Variants in SWT1 observed in about 807,000 individuals in gnomAD.
SWT1 encodes the protein SWT1 RNA endoribonuclease homolog.
A neutral mutation model predicts 107.3 loss-of-function variants in SWT1; 33 were observed. That is an observed-to-expected ratio of 0.31 (90% CI 0.23 to 0.41). SWT1 has a LOEUF of 0.41. SWT1 is among the 10% of genes least tolerant of loss of function. The pLI is 1.00. For missense variants in SWT1, 898 were observed against 1,028.9 expected (o/e 0.87, Z 1.74); for synonymous variants, 345 against 348.3 (o/e 0.99, Z 0.11).
At chr1:185,268,906 G>A (rs905110610) in intron 16 of SWT1, among the ~76,000 whole-genome samples, 4 of 141,690 alleles carry the variant, frequency 2.8e-5, no homozygotes, top group African/African-American at 1.1e-4. Flanking sequence ...AGGCTTGAGT[G>A]CAGTGGCGCG....
chr1:185,257,753 G>A (rs552219588), intron 16 of SWT1, among the ~76,000 whole-genome samples: 7 of 152,344 alleles, frequency 4.6e-5, no homozygotes, highest in South Asian at 2.1e-4. Context: ...CGTCGCTCAC[G>A]CTGGTAGCTG....
Position 185,214,499 on chromosome 1 carries a change from G to C in SWT1, c.1973-8G>C, listed in dbSNP as rs1316323396. ...CCATATTTTTCTGTCTTAATTTTCT[G>C]TTACCAGCTAATAAGGCAGTGGATT... On this transcript the variant is annotated splice_region_variant and splice_polypyrimidine_tract_variant and intron_variant, in intron 13 of 18. Coordinates refer to ENST00000367500, the MANE Select transcript of SWT1 (RefSeq NM_017673.7). 1.9e-6 allele frequency: 3 copies of C among 1,596,486 alleles called. No individual in the cohort carries two copies. Among genetic ancestry groups the C allele is most frequent in the African/African-American group, 2.7e-5 (2 of 74,010 alleles).
chr1:185,261,673 C>CTT (rs75087078), intron 16 of SWT1, among the ~76,000 whole-genome samples: 1 of 144,800 alleles, frequency 6.9e-6, no homozygotes. Flanking sequence ...TGATTTTCTG[C>CTT]TTTTTTTTTT....
chr1:185,203,584 G>A (rs958128414), intron 11 of SWT1, among the ~76,000 whole-genome samples: 10 of 149,708 alleles, frequency 6.7e-5, no homozygotes, highest in South Asian at 2.1e-4. Context: ...TTGTGCCATC[G>A]TACTCCAGCC....
intron 1 of SWT1, among the ~76,000 whole-genome samples, chr1:185,157,800 C>G (rs1226094959): frequency 2.6e-5 from 4 of 152,154 alleles, no homozygotes; most frequent in Non-Finnish European, 5.9e-5. Context: ...TTTTAATAAC[C>G]AGAGCTCTGA....
chr1:185,189,451 A>G (rs1656759240), intron 9 of SWT1, among the ~76,000 whole-genome samples: 1 of 152,190 alleles, frequency 6.6e-6, no homozygotes. Flanking sequence ...GCATTGCTTT[A>G]GAGATTAAGG....
chr1:185,250,722 G>A (rs1661948382), intron 16 of SWT1, among the ~76,000 whole-genome samples: 1 of 151,998 alleles, frequency 6.6e-6, no homozygotes. Flanking sequence ...GAGTGCAGTG[G>A]TGCAATCTTG....
At chr1:185,190,826 A>G (rs548862287) in intron 10 of SWT1, among the ~76,000 whole-genome samples, 184 bp downstream of exon 10, 1 of 152,202 alleles carries the variant, frequency 6.6e-6, no homozygotes, top group Non-Finnish European at 1.5e-5. Context: ...TGAGATCTCA[A>G]CTAGATGAAG....
chr1:185,202,756 T>A lies in SWT1; in HGVS notation c.1626T>A (p.Asp542Glu), dbSNP rs1247867229. 4.4e-6 allele frequency: 7 copies of A among 1,592,362 alleles called. No homozygotes were observed. The Admixed American group carries it at 8.6e-5, about 20-fold the overall frequency. ...AELLHLSLNTDVCHQPCIPKQ... is the reference protein window; with the variant it reads ...AELLHLSLNTEVCHQPCIPKQ... ...TATTACACTTATCTCTGAACACAGA[T>A]GTGTGTCATCAGCCTTGTATTCCTA... is the stretch of plus-strand genomic sequence containing the variant. The change falls in exon 11 of 19, where the codon GAT (aspartate) becomes GAA (glutamate). Residue 542 changes from aspartate (D) to glutamate (E), a missense_variant. Asp to Glu is a conservative substitution (Grantham distance 45). This residue lies in a region of SWT1 where 382 missense variants were observed against 460.0 expected (regional missense o/e 0.83). Transcript: ENST00000367500.
At chr1:185,266,050 T>C (rs907263386) in intron 16 of SWT1, among the ~76,000 whole-genome samples, 1 of 152,178 alleles carries the variant, frequency 6.6e-6, no homozygotes, top group Admixed American at 6.5e-5. Flanking sequence ...GTGTTTTGAA[T>C]TTCTAGAATT....
chr1:185,194,566 T>G (rs532210032), intron 10 of SWT1, among the ~76,000 whole-genome samples: 11 of 151,894 alleles, frequency 7.2e-5, no homozygotes, highest in African/African-American at 2.7e-4. Flanking sequence ...AGCTCTTGGA[T>G]ACTTTAAAAA....
intron 16 of SWT1, among the ~76,000 whole-genome samples, chr1:185,270,203 C>T (rs563539594): frequency 6.6e-6 from 1 of 150,616 alleles, no homozygotes; most frequent in East Asian, 1.9e-4. Context: ...CAAGGTCACA[C>T]AGCTAGACAA....
chr1:185,251,386 C>G (rs1241432615), intron 16 of SWT1: 2 of 152,712 alleles, frequency 1.3e-5, no homozygotes, highest in Non-Finnish European at 2.9e-5. Context: ...TCCTTCTCCA[C>G]TCCCACTGCT....
chr1:185,175,752 C>CAG lies in SWT1; in HGVS notation c.966+639_966+640insAG, dbSNP rs147558792. The stretch of plus-strand genomic sequence containing the variant: ...AAAGCATTGTATGCTGGAGAACACT[C>CAG]GGGACAATATTCTGAATAGTCTTTA... On this transcript the variant is annotated intron_variant, in intron 5 of 18. Coordinates refer to ENST00000367500, the MANE Select transcript of SWT1 (RefSeq NM_017673.7). Among the ~76,000 whole-genome samples, 890 of 152,214 alleles carry CAG rather than the reference C, an allele frequency of 5.8e-3. 33 individuals carry two copies. The East Asian group carries it at 0.094, about 16-fold the overall frequency.
chr1:185,198,274 C>T (rs1160840170), intron 10 of SWT1, among the ~76,000 whole-genome samples: 1 of 152,172 alleles, frequency 6.6e-6, no homozygotes, highest in Non-Finnish European at 1.5e-5. Flanking sequence ...ATCCTGAGTT[C>T]TAATTTGATT....
At chr1:185,229,554 A>G (rs1660349894) in intron 15 of SWT1, among the ~76,000 whole-genome samples, 1 of 151,516 alleles carries the variant, frequency 6.6e-6, no homozygotes, top group Admixed American at 6.6e-5. Context: ...TAGTACTTTG[A>G]TTTACTGATG....
At chr1:185,285,381 G>T (rs1664887638) in intron 18 of SWT1, among the ~76,000 whole-genome samples, 1 of 152,076 alleles carries the variant, frequency 6.6e-6, no homozygotes, top group Non-Finnish European at 1.5e-5. Flanking sequence ...CTTTTAATTT[G>T]CCTTGTCCTT....
intron 16 of SWT1, among the ~76,000 whole-genome samples, chr1:185,270,143 C>T (rs1009416788): frequency 1.3e-5 from 2 of 152,202 alleles, no homozygotes; most frequent in African/African-American, 2.4e-5. Context: ...GGACAGTTAT[C>T]CTAACTTAAC....
At chr1:185,203,028 T>C (rs1445645588) in intron 11 of SWT1, among the ~76,000 whole-genome samples, 1 of 152,238 alleles carries the variant, frequency 6.6e-6, no homozygotes, top group Non-Finnish European at 1.5e-5. Flanking sequence ...ATTAATTTGA[T>C]GTTTTTGTCT....
Sources: gnomAD v4.1 joint callset for allele counts (sites outside exome capture counted in the v4.1 genomes callset) on GRCh38, gnomAD v4.1.1 for gene constraint, gnomAD v4.1.1 regional missense constraint, MANE v1.5 for transcripts, NCBI Gene and HGNC (gene_info 2026-07-23, HGNC 2026-07-21) for gene names.